Variants in ABAT observed in about 807,000 individuals in gnomAD.
The protein encoded by ABAT is 4-aminobutyrate aminotransferase, mitochondrial.
In ABAT, 45 loss-of-function variants were observed where a neutral mutation model predicts 64.6. The observed-to-expected ratio is 0.70, with a 90% CI of 0.55 to 0.89. The LOEUF is 0.89. ABAT is among the 40% of genes least tolerant of loss of function. The probability of loss-of-function intolerance (pLI) is 0.00; values close to 1 mark genes in which losing one functional copy is unlikely to be tolerated. For missense variants in ABAT, 633 were observed against 658.4 expected, an observed-to-expected ratio of 0.96 and a Z score of 0.42; for synonymous variants, 297 against 250.5, an observed-to-expected ratio of 1.19 and a Z score of -1.75.
chr16:8,710,019 C>T (rs1240768005), intron 1 of ABAT, among the ~76,000 whole-genome samples: 1 of 151,770 alleles, frequency 6.6e-6, no homozygotes. Flanking sequence ...CACTGTATTG[C>T]CCAGGCTGGT....
intron 12 of ABAT, among the ~76,000 whole-genome samples, chr16:8,773,397 A>C (rs1208734745): frequency 6.6e-6 from 1 of 152,042 alleles, no homozygotes; most frequent in Non-Finnish European, 1.5e-5. Flanking sequence ...GGTGATCTGC[A>C]CACCTCAGCC....
intron 2 of ABAT, among the ~76,000 whole-genome samples, chr16:8,737,973 G>A (rs369429705): frequency 3.7e-3 from 11 of 2,988 alleles, no homozygotes; most frequent in South Asian, 9.6e-3. Context: ...AGGAAGGAAG[G>A]AAGGAAGGAA....
At chr16:8,719,045 G>T (rs776151343) in intron 1 of ABAT, among the ~76,000 whole-genome samples, 1 of 152,134 alleles carries the variant, frequency 6.6e-6, no homozygotes, top group Non-Finnish European at 1.5e-5. Flanking sequence ...TTCTCTGAAC[G>T]GGAAGTGCGT....
At chr16:8,753,222 T>C (rs554077576) in intron 5 of ABAT, among the ~76,000 whole-genome samples, 1 of 152,096 alleles carries the variant, frequency 6.6e-6, no homozygotes, top group East Asian at 1.9e-4. Flanking sequence ...GCTTCCCAAG[T>C]AGCTGGGACT....
intron 1 of ABAT, among the ~76,000 whole-genome samples, chr16:8,707,935 A>C (rs1457196507): frequency 6.6e-6 from 1 of 152,206 alleles, no homozygotes; most frequent in Non-Finnish European, 1.5e-5. Context: ...TCATGAAATC[A>C]TCACCACCAT....
chr16:8,764,052 C>G lies in ABAT; in HGVS notation c.367-17C>G. 1 of 1,613,036 alleles carries G rather than the reference C, an allele frequency of 6.2e-7. No individual in the cohort carries two copies. The highest frequency in any genetic ancestry group is 8.5e-7 in the Non-Finnish European group (1 of 1,179,202). The stretch of plus-strand genomic sequence containing the variant: ...CAGGCCCCCAGAAGTCACCATTTGT[C>G]TCTTGCCCTTTTGCAGAGCATGTTT... On this transcript the variant is annotated splice_polypyrimidine_tract_variant and intron_variant, in intron 6 of 15. Transcript: ENST00000268251. This position sits in a 1 kb window ranked among gnomAD's most constrained non-coding sequence, Gnocchi z 4.2.
chr16:8,687,255 G>A (rs887535068), intron 1 of ABAT, among the ~76,000 whole-genome samples: 2 of 152,176 alleles, frequency 1.3e-5, no homozygotes, highest in African/African-American at 4.8e-5. Flanking sequence ...TTCAGAAGCT[G>A]AGCTCCGGTC....
chr16:8,750,406 C>A lies in ABAT; in HGVS notation c.199-16C>A. On this transcript the variant is annotated splice_polypyrimidine_tract_variant and intron_variant, in intron 4 of 15. Transcript: ENST00000268251. ...GGAGTGGCAGTGAGCCTGAGTTGGT[C>A]TTTTCTTTCTCCAAGAATGCAGAGG... The A allele has an allele frequency of 6.2e-7, 1 of 1,611,102 alleles. No homozygotes were observed. Among genetic ancestry groups the A allele is most frequent in the South Asian group, 1.1e-5 (1 of 91,032 alleles).
intron 1 of ABAT, among the ~76,000 whole-genome samples, chr16:8,677,989 G>A (rs901448828): frequency 6.6e-6 from 1 of 152,048 alleles, no homozygotes; most frequent in Non-Finnish European, 1.5e-5. Context: ...AGCCCGGGGA[G>A]GTCGAAGCTG....
chr16:8,769,000 C>T, intron 11 of ABAT, 27 bp downstream of exon 11: 1 of 1,613,758 alleles, frequency 6.2e-7, no homozygotes, highest in Non-Finnish European at 8.5e-7. Context: ...GCGGATCCTC[C>T]CCAACCACCA....
intron 14 of ABAT, among the ~76,000 whole-genome samples, chr16:8,777,351 T>G (rs898396943): frequency 1.3e-5 from 2 of 152,174 alleles, no homozygotes; most frequent in Admixed American, 6.5e-5. Context: ...CCTCCCCTGC[T>G]GGAGCTGGAT....
At chr16:8,761,437 C>T (rs1313132047) in intron 6 of ABAT, among the ~76,000 whole-genome samples, 1 of 152,256 alleles carries the variant, frequency 6.6e-6, no homozygotes, top group Non-Finnish European at 1.5e-5. Flanking sequence ...GGCTGCCTCC[C>T]ACTTTCTTCT....
At chr16:8,754,179 TAAAAAAAAAAAAA>T (rs750745519) in intron 5 of ABAT, among the ~76,000 whole-genome samples, 13 of 63,822 alleles carry the variant, frequency 2.0e-4, no homozygotes, top group African/African-American at 7.2e-4. Flanking sequence ...ACCCTGTCTA[TAAAAAAAAAAAAA>T]AAAAAAAAAA....
intron 1 of ABAT, among the ~76,000 whole-genome samples, chr16:8,728,025 C>A (rs540915568): frequency 2.0e-5 from 3 of 152,270 alleles, no homozygotes; most frequent in Admixed American, 1.3e-4. Flanking sequence ...GAGCCCTGAT[C>A]GCCCCACTGC....
rs374020495 is a variant in ABAT at position 8,781,381 on chromosome 16, C to G, written c.1454C>G (p.Ala485Gly). 1.1e-5 allele frequency: 18 copies of G among 1,614,108 alleles called. No homozygotes were observed. The highest frequency in any genetic ancestry group is 1.5e-5 in the Non-Finnish European group (18 of 1,180,040). Reference sequence around the variant, plus strand: ...ACGCTGGTCTTCAGGGATCACCACGCTCACCTGTTCCTCAATATTTTCAGT... The same window carrying G: ...ACGCTGGTCTTCAGGGATCACCACGGTCACCTGTTCCTCAATATTTTCAGT... ...RPTLVFRDHHAHLFLNIFSDI... is the reference protein window; with the variant it reads ...RPTLVFRDHHGHLFLNIFSDI... The change falls in exon 16 of 16, where the codon GCT (alanine) becomes GGT (glycine). Residue 485 changes from alanine to glycine, a missense_variant. Physicochemically the swap from Ala to Gly is moderately conservative, Grantham distance 60. Transcript: ENST00000268251. The surrounding 1 kb of genome is among the most constrained non-coding windows in gnomAD (Gnocchi z 4.5).
intron 1 of ABAT, among the ~76,000 whole-genome samples, chr16:8,677,567 T>C (rs1385723925): frequency 6.6e-6 from 1 of 152,104 alleles, no homozygotes; most frequent in African/African-American, 2.4e-5. Context: ...CTGTTGACAG[T>C]TGGGTCAGAG....
chr16:8,781,289 C>T lies in ABAT; in HGVS notation c.1382-20C>T. 1 of 1,613,972 alleles carries T rather than the reference C, an allele frequency of 6.2e-7. No homozygotes were observed. The highest frequency in any genetic ancestry group is 8.5e-7 in the Non-Finnish European group (1 of 1,179,948). On this transcript the variant is annotated intron_variant, in intron 15 of 15. Transcript: ENST00000268251. This position sits in a 1 kb window ranked among gnomAD's most constrained non-coding sequence, Gnocchi z 4.5. The stretch of plus-strand genomic sequence containing the variant: ...GACTTTGAGAAACCACGCTCCTCAC[C>T]TACCTCCTGCCTCTTTCAGGTGTGG...
intron 1 of ABAT, among the ~76,000 whole-genome samples, chr16:8,718,546 G>T (rs907763949): frequency 6.6e-6 from 1 of 152,138 alleles, no homozygotes; most frequent in Admixed American, 6.5e-5. Flanking sequence ...GTGTTTTTGA[G>T]CACCTACAAT....
chr16:8,726,016 CA>C (rs1440817835), intron 1 of ABAT, among the ~76,000 whole-genome samples: 1 of 152,040 alleles, frequency 6.6e-6, no homozygotes, highest in Admixed American at 6.6e-5. Flanking sequence ...TGCCTAAACA[CA>C]GACCCTTCTA....
Sources: allele counts gnomAD v4.1 joint callset (sites outside exome capture counted in the v4.1 genomes callset), GRCh38; gene constraint gnomAD v4.1.1; non-coding constraint Gnocchi (gnomAD v3.1); transcripts MANE v1.5; gene names NCBI Gene and HGNC (gene_info 2026-07-23, HGNC 2026-07-21).